SMS: variants seen among roughly 807,000 people sequenced by gnomAD.
SMS encodes the protein spermine synthase, also known as spermidine aminopropyltransferase.
A neutral mutation model predicts 33.0 loss-of-function variants in SMS; 3 were observed. The observed-to-expected ratio is 0.09, with a 90% CI of 0.04 to 0.23. SMS has a LOEUF of 0.23. SMS is among the 10% of genes least tolerant of loss of function. The pLI is 1.00. For missense variants in SMS, 117 were observed against 288.6 expected (o/e 0.41, Z 4.31); for synonymous variants, 103 against 112.2 (o/e 0.92, Z 0.52).
chrX:21,951,778 T>C (rs899902012), intron 1 of SMS, among the ~76,000 whole-genome samples: 2 of 109,057 alleles, frequency 1.8e-5, no homozygotes, highest in African/African-American at 6.7e-5. Context: ...AAATTTTTAG[T>C]GGAGTTCCTG....
chrX:21,992,866 C>G (rs1032845428), intron 10 of SMS, among the ~76,000 whole-genome samples, 154 bp downstream of exon 10: 5 of 112,369 alleles, frequency 4.4e-5, no homozygotes, highest in Non-Finnish European at 9.4e-5. Context: ...TTGGAATCCC[C>G]TGAGAAGCTT....
chrX:21,991,207 C>T (rs973126060), intron 9 of SMS, among the ~76,000 whole-genome samples: 3 of 110,861 alleles, frequency 2.7e-5, no homozygotes, highest in Non-Finnish European at 5.7e-5. Flanking sequence ...ATTGGAGTTT[C>T]GCTCTTGTTG....
In SMS at chrX:21,972,419, G is replaced by A. The variant is rs559372529; in HGVS notation, c.265-88G>A. ...GGACAGGTCAATCTTGCACAGCTCT[G>A]TCAACATGGCCTCAGTCGTTGGGTC... is the stretch of plus-strand genomic sequence containing the variant. On this transcript the variant is annotated intron_variant, in intron 3 of 10. Coordinates refer to ENST00000404933, the MANE Select transcript of SMS (RefSeq NM_004595.5). 35 of 613,030 alleles carry A rather than the reference G, an allele frequency of 5.7e-5. No individual in the cohort carries two copies. The African/African-American group carries it at 5.8e-4, about 10-fold the overall frequency. The allele number at this position is 613,030 out of a possible 1,213,427, so 50.5% of individuals were successfully genotyped here.
intron 1 of SMS, among the ~76,000 whole-genome samples, chrX:21,951,934 A>G (rs1456254942): frequency 8.9e-6 from 1 of 111,809 alleles, no homozygotes; most frequent in Non-Finnish European, 1.9e-5. Context: ...GAGGGGATAC[A>G]ACTGTGATAC....
chrX:21,984,259 C>CA, intron 7 of SMS, 45 bp from the exon 8 acceptor site: 1 of 802,427 alleles, frequency 1.2e-6, no homozygotes, highest in Non-Finnish European at 1.9e-6. Context: ...TGTTTAACTA[C>CA]ATCCACATGT....
intron 7 of SMS, among the ~76,000 whole-genome samples, chrX:21,982,495 C>A (rs1453509014): frequency 1.8e-5 from 2 of 111,934 alleles, no homozygotes; most frequent in Non-Finnish European, 3.8e-5. Flanking sequence ...ATATGCATTG[C>A]TGGTTGGCGT....
At chrX:21,960,689 C>T (rs1923281712) in intron 1 of SMS, among the ~76,000 whole-genome samples, 2 of 111,696 alleles carry the variant, frequency 1.8e-5, no homozygotes, top group Admixed American at 1.9e-4. Flanking sequence ...GTTCCAACCG[C>T]CTCATTTTGC....
intron 1 of SMS, among the ~76,000 whole-genome samples, chrX:21,943,827 G>C (rs1268579873): frequency 9.0e-6 from 1 of 111,710 alleles, no homozygotes; most frequent in African/African-American, 3.3e-5. Context: ...AGTTCACTTA[G>C]TTTTTAGTAA....
chrX:21,988,413 C>A (rs942685034), intron 9 of SMS, among the ~76,000 whole-genome samples: 3 of 110,760 alleles, frequency 2.7e-5, no homozygotes, highest in African/African-American at 9.9e-5. Context: ...CGCCTGTAAT[C>A]CCAGCACTTT....
At chrX:21,940,918 C>G (rs1422921858) in intron 1 of SMS, 45 bp downstream of exon 1, 1 of 937,515 alleles carries the variant, frequency 1.1e-6, no homozygotes, top group African/African-American at 2.1e-5. Context: ...CCGCCGCTCC[C>G]GCCGCCTGGC....
chrX:21,985,639 T>C (rs1459472722), intron 9 of SMS, among the ~76,000 whole-genome samples: 1 of 111,840 alleles, frequency 8.9e-6, no homozygotes, highest in Non-Finnish European at 1.9e-5. Context: ...ATATCTCCTA[T>C]TGAAATCCTT....
intron 1 of SMS, among the ~76,000 whole-genome samples, chrX:21,965,912 C>T (rs976335140): frequency 8.1e-5 from 9 of 111,310 alleles, no homozygotes; most frequent in African/African-American, 2.3e-4. Flanking sequence ...GCCGAGATTG[C>T]GCCAATGCAC....
chrX:21,949,150 G>T lies in SMS; in HGVS notation c.49+8277G>T, dbSNP rs776766079. Among the ~76,000 whole-genome samples, 29 of 111,572 alleles carry T rather than the reference G, an allele frequency of 2.6e-4. No homozygotes were observed. In the South Asian group the frequency reaches 0.01, roughly 40 times the overall value. On this transcript the variant is annotated intron_variant, in intron 1 of 10. Coordinates refer to ENST00000404933, the MANE Select transcript of SMS (RefSeq NM_004595.5). ...ACGTGCTAAGCCACAGATTCAAAAG[G>T]AGCTGGTAAGAGCCAGTAGCATGTT...
At chrX:21,959,465 G>A (rs994455542) in intron 1 of SMS, among the ~76,000 whole-genome samples, 2 of 111,556 alleles carry the variant, frequency 1.8e-5, no homozygotes, top group Non-Finnish European at 3.8e-5. Flanking sequence ...GGGATGCCGC[G>A]CTCTTTGTCA....
At chrX:21,941,793 G>C (rs771663627) in intron 1 of SMS, among the ~76,000 whole-genome samples, 3 of 103,499 alleles carry the variant, frequency 2.9e-5, no homozygotes, top group South Asian at 4.7e-4. Context: ...GCTGAGGCAG[G>C]ACAATCGCTT....
At chrX:21,966,015 A>G (rs1460007938) in intron 1 of SMS, among the ~76,000 whole-genome samples, 1 of 111,928 alleles carries the variant, frequency 8.9e-6, no homozygotes, top group African/African-American at 3.2e-5. Context: ...TTTGGCCTCT[A>G]AACTTCCCGT....
chrX:21,991,762 C>T (rs1288367765), intron 9 of SMS, among the ~76,000 whole-genome samples: 1 of 112,214 alleles, frequency 8.9e-6, no homozygotes, highest in Non-Finnish European at 1.9e-5. Flanking sequence ...CATTCAGCAG[C>T]TCTGCTATAC....
At chrX:21,952,441 G>A (rs750310603) in intron 1 of SMS, among the ~76,000 whole-genome samples, 25 of 93,534 alleles carry the variant, frequency 2.7e-4, no homozygotes, top group African/African-American at 9.7e-4. Context: ...TTTTTTGAAT[G>A]TTGAACTAGC....
chrX:21,973,996 C>T (rs1305561131), intron 4 of SMS, among the ~76,000 whole-genome samples: 4 of 112,747 alleles, frequency 3.5e-5, no homozygotes, highest in Admixed American at 2.8e-4. Flanking sequence ...TCTTGCCCTG[C>T]CTTGGTGGAT....
Sources: gnomAD v4.1 joint callset for allele counts (sites outside exome capture counted in the v4.1 genomes callset) on GRCh38, gnomAD v4.1.1 for gene constraint, MANE v1.5 for transcripts, NCBI Gene and HGNC (gene_info 2026-07-23, HGNC 2026-07-21) for gene names.